TMEM131L: variants seen among roughly 807,000 people sequenced by gnomAD.
TMEM131L encodes transmembrane protein 131-like.
A neutral mutation model predicts 192.2 loss-of-function variants in TMEM131L; 54 were observed. The observed-to-expected ratio is 0.28, with a 90% CI of 0.23 to 0.35. The LOEUF (loss-of-function observed/expected upper bound fraction) is 0.35, where lower values mean the gene tolerates loss of function less well. TMEM131L is among the 10% of genes least tolerant of loss of function. TMEM131L has a pLI of 1.00. For synonymous variants in TMEM131L, 701 were observed against 704.9 expected (o/e 0.99, Z 0.09); for missense variants, 1,888 against 1,972.9 (o/e 0.96, Z 0.82).
chr4:153,497,866 A>G (rs1297701525), intron 3 of TMEM131L, among the ~76,000 whole-genome samples: 1 of 133,018 alleles, frequency 7.5e-6, no homozygotes, highest in Non-Finnish European at 1.6e-5. Flanking sequence ...TCTTTTTGTT[A>G]TGAAAAATTT....
chr4:153,569,375 T>G (rs2150591284), intron 7 of TMEM131L, among the ~76,000 whole-genome samples: 1 of 152,288 alleles, frequency 6.6e-6, no homozygotes, highest in Non-Finnish European at 1.5e-5. Flanking sequence ...CTAGACAGCT[T>G]TGAGATGGAT....
chr4:153,493,678 T>A (rs1732962753), intron 3 of TMEM131L, among the ~76,000 whole-genome samples: 1 of 151,932 alleles, frequency 6.6e-6, no homozygotes, highest in Non-Finnish European at 1.5e-5. Context: ...AAAAAACGCT[T>A]GGAGCCAGAC....
chr4:153,572,505 A>G (rs559846675), intron 7 of TMEM131L, among the ~76,000 whole-genome samples: 1 of 151,670 alleles, frequency 6.6e-6, no homozygotes, highest in South Asian at 2.1e-4. Context: ...TAATTTTTGT[A>G]ATTTTAGTAG....
intron 3 of TMEM131L, among the ~76,000 whole-genome samples, chr4:153,497,179 T>C (rs1404013342): frequency 2.6e-5 from 4 of 152,110 alleles, no homozygotes; most frequent in Non-Finnish European, 5.9e-5. Flanking sequence ...TCGAAGGGAA[T>C]GTTTTTGAGG....
At chr4:153,467,318 A>C (rs1193909599) in intron 2 of TMEM131L, 37 bp downstream of exon 2, 1 of 1,532,690 alleles carries the variant, frequency 6.5e-7, no homozygotes. Flanking sequence ...CTGTGGGTGT[A>C]CGAGGGAGGA....
intron 7 of TMEM131L, among the ~76,000 whole-genome samples, chr4:153,567,911 C>T (rs1399170809): frequency 6.6e-6 from 1 of 152,146 alleles, no homozygotes; most frequent in Non-Finnish European, 1.5e-5. Flanking sequence ...TCTGGAAATC[C>T]TTCCCTTGCT....
intron 2 of TMEM131L, among the ~76,000 whole-genome samples, chr4:153,472,572 T>C (rs1731235847): frequency 1.3e-5 from 2 of 151,974 alleles, no homozygotes. Flanking sequence ...CTTGTGATGC[T>C]TGCAGTCTAA....
intron 3 of TMEM131L, among the ~76,000 whole-genome samples, chr4:153,499,072 C>A (rs1347927465): frequency 1.3e-5 from 2 of 152,218 alleles, no homozygotes; most frequent in Non-Finnish European, 2.9e-5. Context: ...GACAGCCTGT[C>A]ATTTTCCAAA....
intron 3 of TMEM131L, among the ~76,000 whole-genome samples, chr4:153,535,388 A>G (rs1018780263): frequency 4.6e-5 from 7 of 151,934 alleles, no homozygotes; most frequent in African/African-American, 1.7e-4. Flanking sequence ...AGAGATGTAA[A>G]TTTGGGGTGG....
rs567526190 is a variant in TMEM131L at position 153,526,663 on chromosome 4, G to A, written c.240-23410G>A. Among the ~76,000 whole-genome samples, 670 of 152,042 alleles carry A rather than the reference G, an allele frequency of 4.4e-3. 7 individuals carry two copies. Among genetic ancestry groups the A allele is most frequent in the African/African-American group, 0.015 (638 of 41,450 alleles). On this transcript the variant is annotated intron_variant, in intron 3 of 34. Transcript: ENST00000409959. ...TGAGGCAGGAGAATGGCGTGAACCC[G>A]GGAGGCGGAGCTTGCAGTGAGCGAG...
At chr4:153,491,643 T>C (rs771280970) in intron 3 of TMEM131L, among the ~76,000 whole-genome samples, 5 of 152,206 alleles carry the variant, frequency 3.3e-5, no homozygotes, top group African/African-American at 1.2e-4. Context: ...ACACATTTAA[T>C]ATAATTAGTC....
intron 14 of TMEM131L, 39 bp from the exon 15 acceptor site, chr4:153,587,703 C>A: frequency 7.2e-7 from 1 of 1,394,728 alleles, no homozygotes; most frequent in Non-Finnish European, 1.0e-6. Context: ...ATGTTTAGTG[C>A]TGTGTTTTAA....
At chr4:153,575,582 A>T (rs543279351) in intron 7 of TMEM131L, among the ~76,000 whole-genome samples, 7 of 152,234 alleles carry the variant, frequency 4.6e-5, no homozygotes, top group Admixed American at 4.6e-4. Context: ...AACCCCTCCA[A>T]GCCACAATTT....
In TMEM131L at chr4:153,584,868, A is replaced by G; in HGVS notation, c.1094A>G (p.Asp365Gly). The G allele has an allele frequency of 6.2e-7, 1 of 1,614,148 alleles. No individual in the cohort carries two copies. The highest frequency in any genetic ancestry group is 8.5e-7 in the Non-Finnish European group (1 of 1,179,938). ...ATSCDSGIIEDVKKTTHTPTL... is the reference protein window; with the variant it reads ...ATSCDSGIIEGVKKTTHTPTL... ...TCATGTGACAGTGGAATTATAGAAG[A>G]TGTGAAGAAAACAACACACACTCCA... The change falls in exon 12 of 35, where the codon GAT becomes GGT. Residue 365 changes from aspartate (D) to glycine (G), a missense_variant. Physicochemically the swap from Asp to Gly is moderately conservative, Grantham distance 94. Coordinates refer to ENST00000409959, the MANE Select transcript of TMEM131L (RefSeq NM_001131007.2).
chr4:153,516,919 C>T (rs147647369), intron 3 of TMEM131L, among the ~76,000 whole-genome samples: 6,362 of 152,094 alleles, frequency 0.042, 480 homozygotes, highest in East Asian at 0.23. Context: ...CTCCGCATCC[C>T]GGGTTCCAAC....
At chr4:153,591,329 C>A in intron 17 of TMEM131L, 135 bp downstream of exon 17, 1 of 708,576 alleles carries the variant, frequency 1.4e-6, no homozygotes, top group Non-Finnish European at 2.2e-6. Context: ...ACTAGATGAG[C>A]AGTAAAACTC....
At chr4:153,473,598 C>G (rs1334597540) in intron 2 of TMEM131L, among the ~76,000 whole-genome samples, 1 of 152,136 alleles carries the variant, frequency 6.6e-6, no homozygotes, top group East Asian at 1.9e-4. Flanking sequence ...TTGAGAACAG[C>G]CTGGCCAACA....
At chr4:153,497,026 A>G (rs1733222979) in intron 3 of TMEM131L, among the ~76,000 whole-genome samples, 4 of 151,222 alleles carry the variant, frequency 2.6e-5, no homozygotes, top group Admixed American at 1.3e-4. Flanking sequence ...ATGCCCAGCT[A>G]GTTTTTGTGT....
chr4:153,590,578 A>G (rs1486417832), intron 16 of TMEM131L, among the ~76,000 whole-genome samples: 2 of 152,234 alleles, frequency 1.3e-5, no homozygotes, highest in Non-Finnish European at 2.9e-5. Flanking sequence ...TTTAGTATCT[A>G]TTGATAATCC....
Sources: allele counts gnomAD v4.1 joint callset (sites outside exome capture counted in the v4.1 genomes callset), GRCh38; gene constraint gnomAD v4.1.1; transcripts MANE v1.5; gene names NCBI Gene and HGNC (gene_info 2026-07-23, HGNC 2026-07-21).